Variants in FER observed in about 807,000 individuals in gnomAD.
FER encodes the protein FER tyrosine kinase.
FER carries 63 observed loss-of-function variants against 111.0 expected under a neutral mutation model. The ratio of observed to expected loss-of-function variants is 0.57; its 90% CI spans 0.46 to 0.70. The LOEUF is 0.70. Ranked by LOEUF, FER falls within the 30% of genes least tolerant of loss-of-function variation. The pLI is 0.00. For missense variants in FER, 914 were observed against 954.0 expected (o/e 0.96, Z 0.55); for synonymous variants, 327 against 313.9 (o/e 1.04, Z -0.44).
At chr5:108,820,191 A>G (rs761836904) in intron 3 of FER, 1 of 985,354 alleles carries the variant, frequency 1.0e-6, no homozygotes, top group Non-Finnish European at 1.2e-6. Context: ...AGCTGGATCA[A>G]CAAAGGAATC....
chr5:108,870,342 A>G (rs1303521220), intron 6 of FER, among the ~76,000 whole-genome samples: 1 of 152,198 alleles, frequency 6.6e-6, no homozygotes, highest in East Asian at 1.9e-4. Context: ...TATTTACTGT[A>G]TTGCTTTAAA....
intron 16 of FER, among the ~76,000 whole-genome samples, chr5:109,085,612 A>G (rs1018380648): frequency 7.2e-5 from 11 of 151,760 alleles, no homozygotes; most frequent in African/African-American, 2.7e-4. Flanking sequence ...AAGTGCAGGC[A>G]TCCTTGCCTT....
chr5:109,081,322 T>C (rs1776962946), intron 16 of FER, among the ~76,000 whole-genome samples: 1 of 152,112 alleles, frequency 6.6e-6, no homozygotes, highest in Admixed American at 6.6e-5. Flanking sequence ...CTGAAGTACT[T>C]GTCCTAAGAA....
In FER at chr5:109,193,813, C is replaced by T. The variant is rs943941217; in HGVS notation, c.*6238C>T. 7.2e-5 allele frequency: 11 copies of T among 152,244 alleles called. No individual in the cohort carries two copies. Among genetic ancestry groups the T allele is most frequent in the African/African-American group, 2.6e-4 (11 of 41,548 alleles). 9.4% of individuals were successfully genotyped at this position (152,244 alleles called of 1,614,324 possible). On this transcript the variant is annotated 3_prime_UTR_variant, in exon 20 of 20. Coordinates refer to ENST00000281092, the MANE Select transcript of FER (RefSeq NM_005246.4). ...ATTGGTTTCAATCAAAGTTTCTCCT[C>T]AGGTACTTGGGGGCCCCTAGCCTTC... is the stretch of plus-strand genomic sequence containing the variant.
intron 17 of FER, among the ~76,000 whole-genome samples, chr5:109,144,940 A>G (rs1403706688): frequency 6.6e-6 from 1 of 152,010 alleles, no homozygotes; most frequent in African/African-American, 2.4e-5. Context: ...TCAAGCTATG[A>G]AGAGATATGT....
At chr5:109,084,679 A>G (rs1777360717) in intron 16 of FER, among the ~76,000 whole-genome samples, 1 of 151,898 alleles carries the variant, frequency 6.6e-6, no homozygotes, top group African/African-American at 2.4e-5. Flanking sequence ...AGAAATCTTT[A>G]CATACTCCAA....
chr5:109,152,019 T>G (rs1212241351), intron 17 of FER, among the ~76,000 whole-genome samples: 2 of 152,126 alleles, frequency 1.3e-5, no homozygotes, highest in Non-Finnish European at 2.9e-5. Context: ...TAGCTGTAGA[T>G]AGTCAAGGTA....
chr5:109,123,620 C>G (rs375327186), intron 17 of FER, among the ~76,000 whole-genome samples: 1 of 152,054 alleles, frequency 6.6e-6, no homozygotes, highest in Non-Finnish European at 1.5e-5. Context: ...AAACTGATGT[C>G]AATTTATCAC....
At chr5:108,965,654 T>G (rs1032577902) in intron 13 of FER, among the ~76,000 whole-genome samples, 1 of 152,140 alleles carries the variant, frequency 6.6e-6, no homozygotes, top group African/African-American at 2.4e-5. Context: ...CTGAAAGGGA[T>G]TCTGTTCTAT....
chr5:108,798,069 T>G (rs1756241124), intron 2 of FER, 55 bp from the exon 3 acceptor site: 1 of 689,564 alleles, frequency 1.5e-6, no homozygotes, highest in South Asian at 2.5e-5. Flanking sequence ...TTTTTTTTTT[T>G]GAAGACTAAT....
chr5:109,163,955 C>A (rs1356940479), intron 17 of FER, among the ~76,000 whole-genome samples: 1 of 152,082 alleles, frequency 6.6e-6, no homozygotes, highest in East Asian at 1.9e-4. Context: ...TGAAAACATT[C>A]AGAAAATAAA....
intron 11 of FER, among the ~76,000 whole-genome samples, chr5:108,953,517 A>G (rs558076102): frequency 1.3e-5 from 2 of 152,104 alleles, no homozygotes; most frequent in Middle Eastern, 3.4e-3. Flanking sequence ...CAAGTTTTTT[A>G]TTGTTGTTTT....
chr5:109,112,940 A>C (rs1749800028), intron 17 of FER, among the ~76,000 whole-genome samples: 3 of 152,172 alleles, frequency 2.0e-5, no homozygotes, highest in Admixed American at 2.0e-4. Flanking sequence ...TCTTCTCAGT[A>C]GTATGAAACC....
intron 11 of FER, 27 bp from the exon 12 acceptor site, chr5:108,954,701 AG>A (rs1561672583): frequency 8.4e-7 from 1 of 1,197,238 alleles, no homozygotes. Context: ...TCTCTAATTT[AG>A]TTTTTTTTTT....
intron 10 of FER, among the ~76,000 whole-genome samples, chr5:108,940,365 A>G (rs1198187017): frequency 6.6e-6 from 1 of 152,116 alleles, no homozygotes; most frequent in African/African-American, 2.4e-5. Context: ...CTTAATGAAA[A>G]GCATATGAAA....
chr5:108,785,694 G>T (rs1754630978), intron 2 of FER: 1 of 331,010 alleles, frequency 3.0e-6, no homozygotes, highest in Admixed American at 3.9e-5. Context: ...CTCTCTTGCT[G>T]GTGGTGTCTG....
rs112192327 is a variant in FER, at chr5:108,897,337, C to T, written c.1047-322C>T. Among the ~76,000 whole-genome samples, 319 of 152,202 alleles carry T rather than the reference C, an allele frequency of 2.1e-3. 3 individuals carry two copies. Among genetic ancestry groups the T allele is most frequent in the African/African-American group, 7.1e-3 (295 of 41,540 alleles). ...AGATCCTGCTTCTGTTATTTTAATT[C>T]ATTCTAGGCCCTATACCTCTGGACC... On this transcript the variant is annotated intron_variant, in intron 9 of 19. Transcript: ENST00000281092.
intron 13 of FER, among the ~76,000 whole-genome samples, chr5:108,998,355 T>A (rs962331405): frequency 1.3e-5 from 2 of 152,050 alleles, no homozygotes; most frequent in African/African-American, 4.8e-5. Flanking sequence ...GAGTGCAGTG[T>A]TCCTCACAGC....
chr5:108,859,525 T>C (rs1358361124), intron 5 of FER, among the ~76,000 whole-genome samples: 4 of 152,226 alleles, frequency 2.6e-5, no homozygotes, highest in East Asian at 3.8e-4. Context: ...GTATGAGTTA[T>C]GTTTTTCATT....
Sources: gnomAD v4.1 joint callset for allele counts (sites outside exome capture counted in the v4.1 genomes callset) on GRCh38, gnomAD v4.1.1 for gene constraint, MANE v1.5 for transcripts, NCBI Gene and HGNC (gene_info 2026-07-23, HGNC 2026-07-21) for gene names.